Variants in BRIP1 observed in about 807,000 individuals in gnomAD.
The protein encoded by BRIP1 is BRCA1 interacting DNA helicase 1, also known as Fanconi anemia group J protein.
Under a neutral mutation model 119.7 loss-of-function variants are expected in BRIP1, and 88 were observed. The observed-to-expected ratio is 0.74, with a 90% confidence interval of 0.62 to 0.88. The LOEUF (loss-of-function observed/expected upper bound fraction) is 0.88. BRIP1 is among the 40% of genes least tolerant of loss of function. The pLI is 0.00. For missense variants in BRIP1, 1,259 were observed against 1,455.4 expected (o/e 0.87, Z 2.20); for synonymous variants, 443 against 496.5 (o/e 0.89, Z 1.43).
Position 61,767,563 on chromosome 17 carries a change from T to C in BRIP1, c.2097+8838A>G, listed in dbSNP as rs1337701160. On this transcript the variant is annotated intron_variant, in intron 14 of 19. Coordinates refer to ENST00000259008, the MANE Select transcript of BRIP1 (RefSeq NM_032043.3). The surrounding 1 kb of genome is among the most constrained non-coding windows in gnomAD (Gnocchi z 5.7). ...TTGCTGGGATTATAGGCTTCTGCAC[T>C]GGGCCTAGACTTCTACCATATGTTT... 1.3e-5 allele frequency among the ~76,000 whole-genome samples: 2 copies of C among 152,114 alleles called. No individual in the cohort carries two copies. The highest frequency in any genetic ancestry group is 4.8e-5 in the African/African-American group (2 of 41,438).
intron 13 of BRIP1, among the ~76,000 whole-genome samples, chr17:61,777,563 T>C (rs1286493505): frequency 6.6e-6 from 1 of 152,222 alleles, no homozygotes; most frequent in Non-Finnish European, 1.5e-5. Flanking sequence ...CACAACCCTC[T>C]GCTTGGGTTC....
Position 61,803,078 on chromosome 17 carries a change from G to A in BRIP1, c.919-1604C>T, listed in dbSNP as rs1425563087. Among the ~76,000 whole-genome samples, 1 of 145,584 alleles carries A rather than the reference G, an allele frequency of 6.9e-6. No homozygotes were observed. Among genetic ancestry groups the A allele is most frequent in the Non-Finnish European group, 1.5e-5 (1 of 67,162 alleles). On this transcript the variant is annotated intron_variant, in intron 7 of 19. Coordinates refer to ENST00000259008, the MANE Select transcript of BRIP1 (RefSeq NM_032043.3). The surrounding 1 kb of genome is among the most constrained non-coding windows in gnomAD (Gnocchi z 4.3). ...TTCTTCTTTTATGTTATCTACTAATGCCCTTTGCCATTCTATTACCTTTTT... is the reference window on the plus strand; with the variant it reads ...TTCTTCTTTTATGTTATCTACTAATACCCTTTGCCATTCTATTACCTTTTT...
chr17:61,683,213 T>C lies in BRIP1; in HGVS notation c.*83A>G. ...AGTTTTTTAAAAAGTATGCCACTTA[T>C]TCAATTTACAAATTATTACTTACAA... On this transcript the variant is annotated 3_prime_UTR_variant, in exon 20 of 20. Coordinates refer to ENST00000259008, the MANE Select transcript of BRIP1 (RefSeq NM_032043.3). The surrounding 1 kb of genome is among the most constrained non-coding windows in gnomAD (Gnocchi z 4.7). 1 of 1,412,714 alleles carries C rather than the reference T, an allele frequency of 7.1e-7. No individual in the cohort carries two copies. The highest frequency in any genetic ancestry group is 1.3e-5 in the South Asian group (1 of 79,938). The allele number at this position is 1,412,714 out of a possible 1,614,324, so 87.5% of individuals were successfully genotyped here.
At chr17:61,813,474 C>T (rs555097379) in intron 6 of BRIP1, among the ~76,000 whole-genome samples, 3 of 151,988 alleles carry the variant, frequency 2.0e-5, no homozygotes, top group South Asian at 4.2e-4. Context: ...AAATACTGTA[C>T]CCATGCATTA....
chr17:61,767,180 A>G lies in BRIP1; in HGVS notation c.2097+9221T>C, dbSNP rs903513989. On this transcript the variant is annotated intron_variant, in intron 14 of 19. Coordinates refer to ENST00000259008, the MANE Select transcript of BRIP1 (RefSeq NM_032043.3). The surrounding 1 kb of genome is among the most constrained non-coding windows in gnomAD (Gnocchi z 5.7). The stretch of plus-strand genomic sequence containing the variant: ...AGTGAAAGAGTAAAGTTTTGAGTAA[A>G]TCACCCATTCCAATTATCTAGTACA... Among the ~76,000 whole-genome samples the G allele has an allele frequency of 2.0e-5, 3 of 152,218 alleles. No homozygotes were observed. The highest frequency in any genetic ancestry group is 4.4e-5 in the Non-Finnish European group (3 of 68,044).
In BRIP1 at chr17:61,834,561, T is replaced by C. The variant is rs912523586; in HGVS notation, c.627+12540A>G. Among the ~76,000 whole-genome samples, 4 of 152,184 alleles carry C rather than the reference T, an allele frequency of 2.6e-5. No individual in the cohort carries two copies. The highest frequency in any genetic ancestry group is 9.7e-5 in the African/African-American group (4 of 41,430). On this transcript the variant is annotated intron_variant, in intron 6 of 19. Coordinates refer to ENST00000259008, the MANE Select transcript of BRIP1 (RefSeq NM_032043.3). The surrounding 1 kb of genome is among the most constrained non-coding windows in gnomAD (Gnocchi z 4.4). ...TAAGCTCCCTTTCAAGGTTACTTTG[T>C]AGCTCTTCCTACCAAGATGTGAGCT...
In BRIP1 at chr17:61,835,870, T is replaced by C. The variant is rs1567858478; in HGVS notation, c.627+11231A>G. On this transcript the variant is annotated intron_variant, in intron 6 of 19. Transcript: ENST00000259008. ...ATTAGAGCCTGACCTCATACATGCA[T>C]GAAAATAAATCCCATAAACAAGAGA... Among the ~76,000 whole-genome samples, 3 of 152,156 alleles carry C rather than the reference T, an allele frequency of 2.0e-5. No individual in the cohort carries two copies. In the South Asian group the frequency reaches 6.2e-4, roughly 32 times the overall value.
chr17:61,774,950 T>C lies in BRIP1; in HGVS notation c.2097+1451A>G, dbSNP rs910222532. On this transcript the variant is annotated intron_variant, in intron 14 of 19. Transcript: ENST00000259008. The surrounding 1 kb of genome is among the most constrained non-coding windows in gnomAD (Gnocchi z 5.8). ...CCTTTTTGTGACTATGACTGGAAAA[T>C]ATAAAAAGGTTTTAGCAATGAAATA... Among the ~76,000 whole-genome samples the C allele has an allele frequency of 1.3e-5, 2 of 152,102 alleles. No homozygotes were observed. Among genetic ancestry groups the C allele is most frequent in the Non-Finnish European group, 2.9e-5 (2 of 67,984 alleles).
Position 61,831,777 on chromosome 17 carries a change from A to G in BRIP1, c.627+15324T>C, listed in dbSNP as rs1471363977. On this transcript the variant is annotated intron_variant, in intron 6 of 19. Coordinates refer to ENST00000259008, the MANE Select transcript of BRIP1 (RefSeq NM_032043.3). The surrounding 1 kb of genome is among the most constrained non-coding windows in gnomAD (Gnocchi z 4.1). Reference sequence around the variant, plus strand: ...AATGTTATTTCTGGACCATATGGTAATTCTGTTTTTAACTTTCAGAGGAAT... The same window carrying G: ...AATGTTATTTCTGGACCATATGGTAGTTCTGTTTTTAACTTTCAGAGGAAT... Among the ~76,000 whole-genome samples the G allele has an allele frequency of 6.6e-6, 1 of 152,152 alleles. No homozygotes were observed. Among genetic ancestry groups the G allele is most frequent in the Non-Finnish European group, 1.5e-5 (1 of 68,034 alleles).
chr17:61,709,518 C>G lies in BRIP1; in HGVS notation c.2492+6433G>C, dbSNP rs1335057961. Among the ~76,000 whole-genome samples, 1 of 152,074 alleles carries G rather than the reference C, an allele frequency of 6.6e-6. No individual in the cohort carries two copies. Among genetic ancestry groups the G allele is most frequent in the Non-Finnish European group, 1.5e-5 (1 of 67,994 alleles). On this transcript the variant is annotated intron_variant, in intron 17 of 19. Transcript: ENST00000259008. This position sits in a 1 kb window ranked among gnomAD's most constrained non-coding sequence, Gnocchi z 5.0. Reference sequence around the variant, plus strand: ...AGGATAGGAAGAAGATTAATATTGTCAATACTACAGAAGAGTATTGAAAGT... The same window carrying G: ...AGGATAGGAAGAAGATTAATATTGTGAATACTACAGAAGAGTATTGAAAGT...
intron 16 of BRIP1, among the ~76,000 whole-genome samples, chr17:61,721,502 C>T (rs890573923): frequency 6.6e-6 from 1 of 151,550 alleles, no homozygotes; most frequent in African/African-American, 2.4e-5. Context: ...ATCTCTTGAC[C>T]TCGTGATCCA....
At chr17:61,820,135 G>GA (rs1284482393) in intron 6 of BRIP1, among the ~76,000 whole-genome samples, 3 of 151,916 alleles carry the variant, frequency 2.0e-5, no homozygotes, top group South Asian at 4.2e-4. Flanking sequence ...ACTATTTGGG[G>GA]AAAAAAATTA....
In BRIP1 at chr17:61,814,346, G is replaced by T. The variant is rs967503749; in HGVS notation, c.628-5589C>A. Among the ~76,000 whole-genome samples, 2 of 152,036 alleles carry T rather than the reference G, an allele frequency of 1.3e-5. No homozygotes were observed. The highest frequency in any genetic ancestry group is 2.9e-5 in the Non-Finnish European group (2 of 67,898). On this transcript the variant is annotated intron_variant, in intron 6 of 19. Transcript: ENST00000259008. The surrounding 1 kb of genome is among the most constrained non-coding windows in gnomAD (Gnocchi z 4.9). ...GGGCACAGGCTGACAGAAGATACTTGCAGTGCTTACAGTCAAGTGAGGATC... is the reference window on the plus strand; with the variant it reads ...GGGCACAGGCTGACAGAAGATACTTTCAGTGCTTACAGTCAAGTGAGGATC...
rs117214380 is a variant in BRIP1 at position 61,703,575 on chromosome 17, G to A, written c.2493-10063C>T. Reference sequence around the variant, plus strand: ...ATGCATAGTTTGCAAACATTTTCTCGCATTCTGTGGTTTGTCTTTACTCTG... The same window carrying A: ...ATGCATAGTTTGCAAACATTTTCTCACATTCTGTGGTTTGTCTTTACTCTG... On this transcript the variant is annotated intron_variant, in intron 17 of 19. Transcript: ENST00000259008. This position sits in a 1 kb window ranked among gnomAD's most constrained non-coding sequence, Gnocchi z 5.0. Among the ~76,000 whole-genome samples, 63 of 152,172 alleles carry A rather than the reference G, an allele frequency of 4.1e-4. 1 individual carries two copies. The East Asian group carries it at 6.0e-3, about 14-fold the overall frequency.
chr17:61,789,274 C>CA lies in BRIP1; in HGVS notation c.1473+4322dup, dbSNP rs776582790. Among the ~76,000 whole-genome samples the CA allele has an allele frequency of 7.1e-4, 89 of 126,066 alleles. No individual in the cohort carries two copies. The highest frequency in any genetic ancestry group is 1.3e-3 in the South Asian group (5 of 3,984). The allele number at this position is 126,066 out of a possible 152,430, so 82.7% of individuals were successfully genotyped here. ...ACAGCAAGACTCTGTCTCTTAAAAA[C>CA]AAAAAAAAAAAGTTAAAAAATATTT... On this transcript the variant is annotated intron_variant, in intron 10 of 19. Coordinates refer to ENST00000259008, the MANE Select transcript of BRIP1 (RefSeq NM_032043.3). This position sits in a 1 kb window ranked among gnomAD's most constrained non-coding sequence, Gnocchi z 4.8.
At chr17:61,785,634 G>C (rs1443656627) in intron 10 of BRIP1, among the ~76,000 whole-genome samples, 1 of 151,870 alleles carries the variant, frequency 6.6e-6, no homozygotes, top group East Asian at 1.9e-4. Flanking sequence ...GAACAAACAA[G>C]AAAGACAACA....
In BRIP1 at chr17:61,710,757, T is replaced by C. The variant is rs2061758926; in HGVS notation, c.2492+5194A>G. Among the ~76,000 whole-genome samples the C allele has an allele frequency of 6.6e-6, 1 of 152,024 alleles. No individual in the cohort carries two copies. Among genetic ancestry groups the C allele is most frequent in the Non-Finnish European group, 1.5e-5 (1 of 67,990 alleles). ...AGGGCCATTTAGTAGCCATGTGGCC[T>C]TAGAAAAATAATTTAATTTCTCACA... is the stretch of plus-strand genomic sequence containing the variant. On this transcript the variant is annotated intron_variant, in intron 17 of 19. Transcript: ENST00000259008. The surrounding 1 kb of genome is among the most constrained non-coding windows in gnomAD (Gnocchi z 5.4).
chr17:61,797,774 G>A (rs973537450), intron 9 of BRIP1, among the ~76,000 whole-genome samples: 28 of 151,966 alleles, frequency 1.8e-4, no homozygotes, highest in Admixed American at 9.2e-4. Context: ...AAAGGACAGA[G>A]ATGTCAACAG....
intron 6 of BRIP1, among the ~76,000 whole-genome samples, chr17:61,811,319 G>A (rs1231019043): frequency 6.6e-6 from 1 of 151,862 alleles, no homozygotes; most frequent in African/African-American, 2.4e-5. Context: ...CATCTCCCAG[G>A]TTCCAGCAAG....
Sources: allele counts gnomAD v4.1 joint callset (sites outside exome capture counted in the v4.1 genomes callset), GRCh38; gene constraint gnomAD v4.1.1; non-coding constraint Gnocchi (gnomAD v3.1); transcripts MANE v1.5; gene names NCBI Gene and HGNC (gene_info 2026-07-23, HGNC 2026-07-21).